Variants in LIN7A observed in about 807,000 individuals in gnomAD.
LIN7A encodes lin-7 cell polarity scaffold A.
LIN7A carries 25 observed loss-of-function variants against 29.8 expected under a neutral mutation model. That is an observed-to-expected ratio of 0.84 (90% CI 0.61 to 1.17). The LOEUF is 1.17. Ranked by LOEUF, LIN7A falls within the 50% of genes most tolerant of loss-of-function variation. The probability of loss-of-function intolerance (pLI) is 0.00; values close to 1 mark genes in which losing one functional copy is unlikely to be tolerated. For missense variants in LIN7A, 239 were observed against 287.0 expected, an observed-to-expected ratio of 0.83 and a Z score of 1.21; for synonymous variants, 118 against 107.5, an observed-to-expected ratio of 1.10 and a Z score of -0.60.
At chr12:80,818,450 C>T (rs928186404) in intron 4 of LIN7A, among the ~76,000 whole-genome samples, 6 of 152,166 alleles carry the variant, frequency 3.9e-5, no homozygotes, top group Non-Finnish European at 7.3e-5. Context: ...AGAAATGTGT[C>T]CTAGGTCACC....
intron 4 of LIN7A, among the ~76,000 whole-genome samples, chr12:80,822,841 G>T (rs909069752): frequency 1.3e-5 from 2 of 152,104 alleles, no homozygotes; most frequent in African/African-American, 4.8e-5. Flanking sequence ...CTCCTGGGTG[G>T]AAAGGGGTGG....
chr12:80,918,215 TA>T (rs1042130459), intron 1 of LIN7A, among the ~76,000 whole-genome samples: 13 of 149,794 alleles, frequency 8.7e-5, no homozygotes, highest in Non-Finnish European at 1.6e-4. Flanking sequence ...GCCTGGCTGA[TA>T]TTTTTTTTTA....
intron 1 of LIN7A, among the ~76,000 whole-genome samples, chr12:80,901,110 G>C (rs536024446): frequency 1.3e-5 from 2 of 152,080 alleles, no homozygotes; most frequent in South Asian, 2.1e-4. Context: ...TGGGCACTTA[G>C]GCACTACCTA....
At chr12:80,812,000 CA>C (rs1871314705) in intron 4 of LIN7A, among the ~76,000 whole-genome samples, 1 of 151,936 alleles carries the variant, frequency 6.6e-6, no homozygotes, top group African/African-American at 2.4e-5. Flanking sequence ...ATGCACTAGT[CA>C]ACAAAATTTT....
chr12:80,869,643 T>C (rs1460703578), intron 2 of LIN7A, among the ~76,000 whole-genome samples: 1 of 152,194 alleles, frequency 6.6e-6, no homozygotes, highest in Non-Finnish European at 1.5e-5. Flanking sequence ...ACATGTATTT[T>C]TGAGGATTCT....
intron 1 of LIN7A, among the ~76,000 whole-genome samples, chr12:80,893,484 C>T (rs1875731390): frequency 6.6e-6 from 1 of 152,172 alleles, no homozygotes; most frequent in African/African-American, 2.4e-5. Flanking sequence ...GGAAACCAGA[C>T]ACGTCTCCAT....
At chr12:80,841,369 A>T in intron 4 of LIN7A, among the ~76,000 whole-genome samples, 1 of 143,700 alleles carries the variant, frequency 7.0e-6, no homozygotes, top group Non-Finnish European at 1.5e-5. Context: ...GGAAGGAAGG[A>T]AGGAAGGAAG....
chr12:80,937,123 C>G (rs1033788088), intron 1 of LIN7A: 1 of 153,174 alleles, frequency 6.5e-6, no homozygotes, highest in Non-Finnish European at 1.5e-5. Flanking sequence ...GTGCGCCCAG[C>G]CCGCCCCCCG....
At chr12:80,936,918 A>C (rs1878258432) in intron 1 of LIN7A, 1 of 152,076 alleles carries the variant, frequency 6.6e-6, no homozygotes, top group African/African-American at 2.4e-5. Context: ...GGCGCGGGAG[A>C]AGCCGAGAGT....
intron 1 of LIN7A, among the ~76,000 whole-genome samples, chr12:80,915,435 A>G (rs990727546): frequency 1.3e-5 from 2 of 152,310 alleles, no homozygotes; most frequent in South Asian, 2.1e-4. Context: ...GAAATGTAAA[A>G]CAGTCCAGCC....
At position 80,937,765 on chromosome 12, in the gene LIN7A, C is replaced by T. The variant is rs759387347; in HGVS notation, c.-43G>A. The T allele has an allele frequency of 1.5e-5, 2 of 131,636 alleles. No homozygotes were observed. The highest frequency in any genetic ancestry group is 2.2e-4 in the South Asian group (1 of 4,600). 8.2% of individuals were successfully genotyped at this position (131,636 alleles called of 1,614,324 possible). A position where few individuals can be genotyped will look rare whatever the true frequency, so the allele number is the denominator to read the frequency against. On this transcript the variant is annotated 5_prime_UTR_variant, in exon 1 of 6. Transcript: ENST00000552864. ...GAGAAAAAAAGGAGGAGATTGGGGG[C>T]GGGGGTGGAGAGGGAAGACGGAAAG...
chr12:80,832,657 C>T (rs12311734), intron 4 of LIN7A: 171,253 of 448,100 alleles, frequency 0.38, 33,562 homozygotes, highest in Non-Finnish European at 0.42. Context: ...TGACATGGCT[C>T]CAGGCCATCC....
intron 4 of LIN7A, among the ~76,000 whole-genome samples, chr12:80,839,806 A>T (rs1374872233): frequency 6.6e-6 from 1 of 152,228 alleles, no homozygotes; most frequent in Admixed American, 6.5e-5. Context: ...ATGTAAAAAA[A>T]GCCGATGGCA....
Position 80,889,256 on chromosome 12 carries a change from G to A in LIN7A, c.196C>T (p.Arg66Ter), listed in dbSNP as rs1449571846. The A allele has an allele frequency of 1.3e-6, 2 of 1,582,438 alleles. No individual in the cohort carries two copies. Among genetic ancestry groups the A allele is most frequent in the Non-Finnish European group, 1.7e-6 (2 of 1,151,660 alleles). ...VLQSEFCTAI[R>*]EVYQYMHETI... ...TTAAAATTTTAGTGCCATACCTCTC[G>A]AATAGCTGTACAAAACTCACTCTGA... The change falls in exon 2 of 6, where the codon CGA becomes TGA. Residue 66 changes from arginine (R) to a stop codon, truncating the protein, a stop_gained. Transcript: ENST00000552864. LOFTEE classifies it high-confidence loss of function.
At chr12:80,893,548 C>A (rs1165568409) in intron 1 of LIN7A, among the ~76,000 whole-genome samples, 1 of 152,178 alleles carries the variant, frequency 6.6e-6, no homozygotes, top group Non-Finnish European at 1.5e-5. Flanking sequence ...AGGCCTTTCC[C>A]AGTCCTCATA....
chr12:80,811,369 A>G (rs1871274911), intron 5 of LIN7A, 96 bp downstream of exon 5: 3 of 506,082 alleles, frequency 5.9e-6, no homozygotes, highest in African/African-American at 3.9e-5. Flanking sequence ...ATTTTAGAAC[A>G]TATCTAAAAT....
chr12:80,875,941 C>T (rs1345412695), intron 2 of LIN7A, among the ~76,000 whole-genome samples: 2 of 152,062 alleles, frequency 1.3e-5, no homozygotes, highest in African/African-American at 4.8e-5. Flanking sequence ...TTTTTGCCCC[C>T]TTTGGATCTC....
intron 5 of LIN7A, among the ~76,000 whole-genome samples, chr12:80,804,777 C>T (rs949492439): frequency 6.6e-6 from 1 of 151,976 alleles, no homozygotes; most frequent in Non-Finnish European, 1.5e-5. Context: ...TGGTCTCAAA[C>T]TCCTGGTCTC....
At chr12:80,856,246 G>T in intron 2 of LIN7A, among the ~76,000 whole-genome samples, 1 of 152,112 alleles carries the variant, frequency 6.6e-6, no homozygotes, top group East Asian at 1.9e-4. Context: ...ACATTTCTCT[G>T]CAGCCATCAA....
Sources: allele counts gnomAD v4.1 joint callset (sites outside exome capture counted in the v4.1 genomes callset), GRCh38; gene constraint gnomAD v4.1.1; transcripts MANE v1.5; gene names NCBI Gene and HGNC (gene_info 2026-07-23, HGNC 2026-07-21).